Variants in ATG7 observed in about 807,000 individuals in gnomAD.
ATG7 encodes ubiquitin-like modifier-activating enzyme ATG7.
In ATG7, 70 loss-of-function variants were observed where a neutral mutation model predicts 82.4. The ratio of observed to expected loss-of-function variants is 0.85; its 90% CI spans 0.70 to 1.04. The LOEUF (loss-of-function observed/expected upper bound fraction) is 1.04. ATG7 is among the 50% of genes least tolerant of loss of function. The probability of loss-of-function intolerance (pLI) is 0.00; values close to 1 mark genes in which losing one functional copy is unlikely to be tolerated. For synonymous variants in ATG7, 287 were observed against 313.0 expected, an observed-to-expected ratio of 0.92 and a Z score of 0.88; for missense variants, 792 against 864.3, an observed-to-expected ratio of 0.92 and a Z score of 1.05.
intron 13 of ATG7, among the ~76,000 whole-genome samples, chr3:11,347,432 G>C (rs1259174203): frequency 6.6e-6 from 1 of 152,204 alleles, no homozygotes; most frequent in Non-Finnish European, 1.5e-5. Flanking sequence ...GAAATAATTT[G>C]TGAGTCATTT....
At position 11,347,977 on chromosome 3, in the gene ATG7, G is replaced by C. The variant is rs773870148; in HGVS notation, c.1226G>C (p.Gly409Ala). The C allele has an allele frequency of 1.2e-6, 2 of 1,614,166 alleles. No individual in the cohort carries two copies. The highest frequency in any genetic ancestry group is 2.2e-5 in the South Asian group (2 of 91,084). ...TATGAGTTTGAAGATTGCCTAGGGG[G>C]TGGTAAGCCCAAGGCTCTGGCAGCA... Reference protein sequence around the residue: ...PLYEFEDCLGGGKPKALAAAD... With the variant: ...PLYEFEDCLGAGKPKALAAAD... Residue 409 changes from glycine to alanine, a missense_variant, in exon 14 of 21, where the codon GGT (glycine) becomes GCT (alanine). Transcript: ENST00000693202.
At chr3:11,361,052 C>T (rs2076249635) in intron 16 of ATG7, among the ~76,000 whole-genome samples, 1 of 152,216 alleles carries the variant, frequency 6.6e-6, no homozygotes, top group Non-Finnish European at 1.5e-5. Context: ...AGACTAGTCC[C>T]TGATAGCACT....
downstream of ATG7, among the ~76,000 whole-genome samples, chr3:11,562,140 C>T (rs189336317): frequency 1.1e-4 from 16 of 152,150 alleles, no homozygotes; most frequent in East Asian, 1.9e-4. Context: ...TCAAGTGATC[C>T]GCCGCCTCAA....
intron 20 of ATG7, among the ~76,000 whole-genome samples, chr3:11,495,968 G>A (rs562393615): frequency 1.3e-5 from 2 of 152,298 alleles, no homozygotes; most frequent in South Asian, 2.1e-4. Flanking sequence ...GGCGCGTCAC[G>A]CTAGCATTTC....
chr3:11,336,224 G>A (rs895446095), intron 11 of ATG7, among the ~76,000 whole-genome samples: 7 of 151,654 alleles, frequency 4.6e-5, no homozygotes, highest in Non-Finnish European at 8.8e-5. Flanking sequence ...TAGTAGAGAC[G>A]GGGTTTCACC....
At chr3:11,423,965 A>G (rs1020894013) in intron 19 of ATG7, among the ~76,000 whole-genome samples, 5 of 151,860 alleles carry the variant, frequency 3.3e-5, no homozygotes, top group African/African-American at 1.2e-4. Flanking sequence ...GTGCCAGTCA[A>G]CCTCTCTTCT....
At chr3:11,439,069 C>CTTTTTTTTTTTTTTTTTTTTTT (rs67206280) in intron 20 of ATG7, among the ~76,000 whole-genome samples, 6 of 121,976 alleles carry the variant, frequency 4.9e-5, no homozygotes, top group Non-Finnish European at 9.8e-5. Context: ...TTCTTTCTTT[C>CTTTTTTTTTTTTTTTTTTTTTT]TTTTTTTTTT....
chr3:11,386,481 T>C (rs1499082), intron 19 of ATG7, among the ~76,000 whole-genome samples: 28,138 of 152,112 alleles, frequency 0.18, 3,127 homozygotes, highest in South Asian at 0.35. Flanking sequence ...TACTCCCTGC[T>C]TCTCAGATTT....
chr3:11,527,071 G>GTATATA (rs59492212), intron 20 of ATG7, among the ~76,000 whole-genome samples: 192 of 127,420 alleles, frequency 1.5e-3, no homozygotes, highest in Non-Finnish European at 2.4e-3. Context: ...GTGTGTGTGT[G>GTATATA]TATATATATA....
chr3:11,391,958 T>TG (rs5846709), intron 19 of ATG7, among the ~76,000 whole-genome samples: 61,385 of 125,134 alleles, frequency 0.49, 14,789 homozygotes, highest in East Asian at 0.6. Context: ...TTGTACTTAT[T>TG]GGGGGGGGGG....
chr3:11,304,670 G>A (rs1947422561), intron 5 of ATG7: 1 of 152,226 alleles, frequency 6.6e-6, no homozygotes, highest in African/African-American at 2.4e-5. Flanking sequence ...AGTCATCGCT[G>A]TGAGACTGAA....
intron 20 of ATG7, among the ~76,000 whole-genome samples, chr3:11,521,153 A>G (rs2344826): frequency 0.93 from 141,634 of 152,214 alleles, 66,040 homozygotes; most frequent in African/African-American, 0.98. Flanking sequence ...GAGATAATAC[A>G]TGTGCAGCAT....
chr3:11,465,088 A>AGTGT (rs55999171), intron 20 of ATG7, among the ~76,000 whole-genome samples: 6,358 of 147,296 alleles, frequency 0.043, 161 homozygotes, highest in South Asian at 0.071. Flanking sequence ...AAAAACCTAA[A>AGTGT]GTGTGTGTGT....
intron 14 of ATG7, chr3:11,348,456 C>G: frequency 5.8e-6 from 1 of 171,590 alleles, no homozygotes; most frequent in Non-Finnish European, 1.2e-5. Flanking sequence ...AATGAAGCTG[C>G]AGACCTTCGC....
At chr3:11,493,098 A>T (rs572922540) in intron 20 of ATG7, among the ~76,000 whole-genome samples, 1 of 152,340 alleles carries the variant, frequency 6.6e-6, no homozygotes, top group Non-Finnish European at 1.5e-5. Flanking sequence ...AAAAAGAATG[A>T]GGTCACGTAG....
At chr3:11,551,399 T>G (rs927898016) in intron 20 of ATG7, among the ~76,000 whole-genome samples, 1 of 152,256 alleles carries the variant, frequency 6.6e-6, no homozygotes, top group Non-Finnish European at 1.5e-5. Flanking sequence ...TTGAGAAAGC[T>G]GACATCTTTA....
intron 19 of ATG7, among the ~76,000 whole-genome samples, chr3:11,385,922 T>G (rs182767636): frequency 2.0e-5 from 3 of 152,350 alleles, no homozygotes; most frequent in Admixed American, 2.0e-4. Context: ...TTGGCCATCC[T>G]TGGAGTTGGA....
At chr3:11,461,703 A>T (rs984315076) in intron 20 of ATG7, among the ~76,000 whole-genome samples, 2 of 152,148 alleles carry the variant, frequency 1.3e-5, no homozygotes, top group African/African-American at 4.8e-5. Flanking sequence ...CACTTTGGCA[A>T]TCGTCTTATC....
chr3:11,505,836 C>T (rs2091673343), intron 20 of ATG7, among the ~76,000 whole-genome samples: 2 of 152,324 alleles, frequency 1.3e-5, no homozygotes, highest in South Asian at 4.1e-4. Context: ...CTTTTGCAGT[C>T]TTGTCACTTC....
Sources: allele counts gnomAD v4.1 joint callset (sites outside exome capture counted in the v4.1 genomes callset), GRCh38; gene constraint gnomAD v4.1.1; transcripts MANE v1.5; gene names NCBI Gene and HGNC (gene_info 2026-07-23, HGNC 2026-07-21).